Variants in MCPH1 observed in about 807,000 individuals in gnomAD.
The protein encoded by MCPH1 is microcephalin.
A neutral mutation model predicts 84.5 loss-of-function variants in MCPH1; 104 were observed. The observed-to-expected ratio is 1.23, with a 90% CI of 1.05 to 1.45. The LOEUF (loss-of-function observed/expected upper bound fraction) is 1.45. MCPH1 is among the 40% of genes most tolerant of loss of function. The pLI is 0.00. For synonymous variants in MCPH1, 514 were observed against 366.8 expected, an observed-to-expected ratio of 1.40 and a Z score of -4.58; for missense variants, 1,498 against 1,005.7, an observed-to-expected ratio of 1.49 and a Z score of -6.62.
intron 12 of MCPH1, among the ~76,000 whole-genome samples, chr8:6,531,293 CTT>C (rs112161330): frequency 8.4e-5 from 12 of 142,308 alleles, no homozygotes; most frequent in Admixed American, 2.1e-4. Context: ...TTCTTTCTTT[CTT>C]TTTTTTTTTT....
At chr8:6,504,230 A>G (rs1207597531) in intron 12 of MCPH1, among the ~76,000 whole-genome samples, 1 of 144,850 alleles carries the variant, frequency 6.9e-6, no homozygotes, top group African/African-American at 2.6e-5. Context: ...AGGCAGGAGA[A>G]TGGCGTGAAC....
intron 3 of MCPH1, among the ~76,000 whole-genome samples, chr8:6,423,958 G>C (rs370324385): frequency 2.0e-5 from 3 of 152,154 alleles, no homozygotes; most frequent in Non-Finnish European, 4.4e-5. Flanking sequence ...AGAGCATAGA[G>C]ATAAGAGCCA....
At chr8:6,556,995 G>T (rs951964094) in intron 12 of MCPH1, among the ~76,000 whole-genome samples, 2 of 152,134 alleles carry the variant, frequency 1.3e-5, no homozygotes, top group Admixed American at 6.5e-5. Context: ...AAATCAACTT[G>T]CATGGCTCCT....
rs142812969 is a variant in MCPH1, at chr8:6,541,084, G to A, written c.2214+41155G>A. Among the ~76,000 whole-genome samples, 342 of 152,346 alleles carry A rather than the reference G, an allele frequency of 2.2e-3. 3 individuals are homozygous for A. The highest frequency in any genetic ancestry group is 7.9e-3 in the African/African-American group (329 of 41,572). Reference sequence around the variant, plus strand: ...GGCAGCTTGGAGCCAACGTCCCTAGGCATGGCCTGGGGGTTTGTGGGAAGG... The same window carrying A: ...GGCAGCTTGGAGCCAACGTCCCTAGACATGGCCTGGGGGTTTGTGGGAAGG... On this transcript the variant is annotated intron_variant, in intron 12 of 13. Transcript: ENST00000344683.
chr8:6,435,912 C>T lies in MCPH1; in HGVS notation c.322-136C>T, dbSNP rs554876456. 51 of 939,586 alleles carry T rather than the reference C, an allele frequency of 5.4e-5. No individual in the cohort carries two copies. The South Asian group carries it at 7.7e-4, about 14-fold the overall frequency. 58.2% of individuals were successfully genotyped at this position (939,586 alleles called of 1,614,324 possible). A position where few individuals can be genotyped will look rare whatever the true frequency, so the allele number is the denominator to read the frequency against. Reference sequence around the variant, plus strand: ...AAAATAAATATTGCCAGTTCACATACAGTGCAAGAAACACCTCTTTTAGAA... The same window carrying T: ...AAAATAAATATTGCCAGTTCACATATAGTGCAAGAAACACCTCTTTTAGAA... On this transcript the variant is annotated intron_variant, in intron 4 of 13. Coordinates refer to ENST00000344683, the MANE Select transcript of MCPH1 (RefSeq NM_024596.5).
chr8:6,480,621 T>C, intron 10 of MCPH1, 93 bp from the exon 11 acceptor site: 3 of 1,461,116 alleles, frequency 2.1e-6, no homozygotes, highest in South Asian at 1.1e-5. Flanking sequence ...TTTGGCTTTC[T>C]AGTTTTATTA....
intron 11 of MCPH1, among the ~76,000 whole-genome samples, chr8:6,481,605 G>A (rs1418460075): frequency 6.6e-6 from 1 of 152,110 alleles, no homozygotes; most frequent in East Asian, 1.9e-4. Context: ...TACTCATACT[G>A]TGTTCATTTA....
At chr8:6,427,795 GTTTT>G (rs57041436) in intron 3 of MCPH1, among the ~76,000 whole-genome samples, 60 of 144,520 alleles carry the variant, frequency 4.2e-4, no homozygotes, top group South Asian at 2.4e-3. Flanking sequence ...TTATTATACT[GTTTT>G]TTTTTTTTTT....
intron 11 of MCPH1, among the ~76,000 whole-genome samples, chr8:6,497,800 G>A (rs2916718): frequency 0.24 from 36,996 of 152,008 alleles, 4,795 homozygotes; most frequent in East Asian, 0.45. Context: ...AAAAAAACTT[G>A]TGCTTTCTAT....
At chr8:6,631,533 G>A (rs1301233495) in intron 13 of MCPH1, among the ~76,000 whole-genome samples, 1 of 151,690 alleles carries the variant, frequency 6.6e-6, no homozygotes, top group Non-Finnish European at 1.5e-5. Context: ...CAAAAAAGAT[G>A]ATATAAATGT....
intron 12 of MCPH1, among the ~76,000 whole-genome samples, chr8:6,533,646 T>C (rs958544741): frequency 6.7e-6 from 1 of 148,990 alleles, no homozygotes; most frequent in Admixed American, 6.8e-5. Context: ...AAGTATAAGC[T>C]CGTGAGTGCA....
chr8:6,604,291 C>A (rs905386994), intron 12 of MCPH1, among the ~76,000 whole-genome samples: 2 of 152,242 alleles, frequency 1.3e-5, no homozygotes, highest in African/African-American at 4.8e-5. Flanking sequence ...ATGTGCTTCA[C>A]CCACTGCCTG....
At chr8:6,637,907 G>A (rs73184463) in intron 13 of MCPH1, among the ~76,000 whole-genome samples, 9,320 of 152,218 alleles carry the variant, frequency 0.061, 392 homozygotes, top group Middle Eastern at 0.13. Flanking sequence ...TCAGAGCCAG[G>A]TGCACTCGCT....
chr8:6,623,708 A>AC (rs1831740066), intron 13 of MCPH1, among the ~76,000 whole-genome samples: 1 of 5,962 alleles, frequency 1.7e-4, no homozygotes, highest in Non-Finnish European at 4.0e-4. Flanking sequence ...AAAAAAAAAA[A>AC]AAAAAAAAAA....
At chr8:6,421,937 A>C (rs1800265897) in intron 3 of MCPH1, among the ~76,000 whole-genome samples, 1 of 152,110 alleles carries the variant, frequency 6.6e-6, no homozygotes, top group South Asian at 2.1e-4. Context: ...CGTCTTCCTG[A>C]TTCTAAACCC....
intron 4 of MCPH1, among the ~76,000 whole-genome samples, chr8:6,433,630 CAAAAAAAAAAAA>C (rs60661127): frequency 2.4e-5 from 1 of 40,896 alleles, no homozygotes; most frequent in Non-Finnish European, 5.1e-5. Context: ...GGCTCTGTCT[CAAAAAAAAAAAA>C]AAAAAAAAAA....
At chr8:6,437,105 G>C (rs1335486316) in intron 5 of MCPH1, among the ~76,000 whole-genome samples, 1 of 152,114 alleles carries the variant, frequency 6.6e-6, no homozygotes, top group Non-Finnish European at 1.5e-5. Context: ...AAGCAATTAT[G>C]GTCACTAGAA....
chr8:6,490,120 C>T (rs1810398449), intron 11 of MCPH1, among the ~76,000 whole-genome samples: 1 of 152,024 alleles, frequency 6.6e-6, no homozygotes, highest in African/African-American at 2.4e-5. Flanking sequence ...CAACTTGGTC[C>T]ATGCTGAACT....
At chr8:6,451,920 A>T (rs1386556302) in intron 8 of MCPH1, among the ~76,000 whole-genome samples, 1 of 152,228 alleles carries the variant, frequency 6.6e-6, no homozygotes, top group Non-Finnish European at 1.5e-5. Context: ...GTAAATACTA[A>T]TTGTTTAAAT....
Sources: gnomAD v4.1 joint callset for allele counts (sites outside exome capture counted in the v4.1 genomes callset) on GRCh38, gnomAD v4.1.1 for gene constraint, MANE v1.5 for transcripts, NCBI Gene and HGNC (gene_info 2026-07-23, HGNC 2026-07-21) for gene names.